The following CAMKMT variants were observed in gnomAD, a reference collection of about 807,000 sequenced individuals.
CAMKMT encodes calmodulin-lysine N-methyltransferase, also known as CaM KMT.
A neutral mutation model predicts 48.0 loss-of-function variants in CAMKMT; 53 were observed. That is an observed-to-expected ratio of 1.10 (90% CI 0.89 to 1.39). The LOEUF is 1.39. CAMKMT is among the 40% of genes most tolerant of loss of function. The pLI is 0.00. For missense variants in CAMKMT, 428 were observed against 402.7 expected (o/e 1.06, Z -0.54); for synonymous variants, 165 against 152.3 (o/e 1.08, Z -0.61).
chr2:44,663,457 C>T (rs1358008252), intron 3 of CAMKMT, among the ~76,000 whole-genome samples: 2 of 152,248 alleles, frequency 1.3e-5, no homozygotes, highest in East Asian at 1.9e-4. Context: ...GCTTCCCCTT[C>T]TGTGAAATCT....
chr2:44,402,481 A>G (rs1017139636), intron 3 of CAMKMT, among the ~76,000 whole-genome samples: 18 of 151,908 alleles, frequency 1.2e-4, no homozygotes, highest in African/African-American at 4.3e-4. Flanking sequence ...TGTTGATTGA[A>G]TCTTCTGTTA....
At chr2:44,510,506 C>T (rs1311835537) in intron 3 of CAMKMT, among the ~76,000 whole-genome samples, 3 of 152,140 alleles carry the variant, frequency 2.0e-5, no homozygotes, top group African/African-American at 7.2e-5. Flanking sequence ...TAGGATCCTC[C>T]ATTACAACAC....
rs142694958 is a variant in CAMKMT at position 44,489,659 on chromosome 2, C to T, written c.376+99354C>T. The stretch of plus-strand genomic sequence containing the variant: ...TGACAGGAAAATAAAACCTTGCAAA[C>T]TAATTGCCGTGAGAAGTAGCAATTG... On this transcript the variant is annotated intron_variant, in intron 3 of 10. Transcript: ENST00000378494. Among the ~76,000 whole-genome samples the T allele has an allele frequency of 2.2e-3, 331 of 152,250 alleles. No homozygotes were observed. The Middle Eastern group carries it at 0.027, about 13-fold the overall frequency.
intron 6 of CAMKMT, 144 bp downstream of exon 6, chr2:44,707,606 GA>G: frequency 1.7e-6 from 1 of 587,994 alleles, no homozygotes; most frequent in Non-Finnish European, 2.8e-6. Flanking sequence ...AGAAAAAGTA[GA>G]AATATATGAA....
rs1468622305 is a variant in CAMKMT, at chr2:44,361,963, C to A, written c.-45C>A. The A allele has an allele frequency of 4.4e-6, 6 of 1,360,578 alleles. No individual in the cohort carries two copies. The highest frequency in any genetic ancestry group is 4.1e-5 in the Admixed American group (1 of 24,558). The allele number at this position is 1,360,578 out of a possible 1,614,324, so 84.3% of individuals were successfully genotyped here. Reference sequence around the variant, plus strand: ...GAAGTTGGCAGGTCCTGGCAGGGGACGAGCTGCGGCGGTGGCACCTCCGGG... The same window carrying A: ...GAAGTTGGCAGGTCCTGGCAGGGGAAGAGCTGCGGCGGTGGCACCTCCGGG... On this transcript the variant is annotated 5_prime_UTR_variant, in exon 1 of 11. Transcript: ENST00000378494.
At chr2:44,466,003 C>T (rs1198262430) in intron 3 of CAMKMT, among the ~76,000 whole-genome samples, 1 of 152,134 alleles carries the variant, frequency 6.6e-6, no homozygotes, top group Non-Finnish European at 1.5e-5. Context: ...AATATATATG[C>T]ATCTAACAGT....
At chr2:44,719,339 T>C (rs1007777694) in intron 7 of CAMKMT, among the ~76,000 whole-genome samples, 3 of 152,238 alleles carry the variant, frequency 2.0e-5, no homozygotes, top group Admixed American at 6.5e-5. Flanking sequence ...TTTCTTTTTG[T>C]TCAAAGCATG....
At chr2:44,543,570 T>C (rs912013760) in intron 3 of CAMKMT, among the ~76,000 whole-genome samples, 1 of 152,166 alleles carries the variant, frequency 6.6e-6, no homozygotes, top group Non-Finnish European at 1.5e-5. Context: ...TTTATTAGTA[T>C]TGTTATTATT....
At chr2:44,465,670 C>T (rs544691476) in intron 3 of CAMKMT, among the ~76,000 whole-genome samples, 7 of 151,820 alleles carry the variant, frequency 4.6e-5, no homozygotes, top group Admixed American at 1.3e-4. Context: ...TCCATGGGAA[C>T]GGTGAGAGCT....
chr2:44,596,241 G>A (rs1384916518), intron 3 of CAMKMT, among the ~76,000 whole-genome samples: 1 of 152,046 alleles, frequency 6.6e-6, no homozygotes, highest in Non-Finnish European at 1.5e-5. Flanking sequence ...TTCAGGTCAG[G>A]AGTTCGAGAC....
intron 1 of CAMKMT, among the ~76,000 whole-genome samples, chr2:44,367,920 C>T (rs556735578): frequency 3.9e-5 from 6 of 152,314 alleles, no homozygotes; most frequent in African/African-American, 1.4e-4. Context: ...CTCCTCTACC[C>T]ATCTGGTCTT....
intron 1 of CAMKMT, among the ~76,000 whole-genome samples, chr2:44,364,033 T>TA (rs1195286594): frequency 6.3e-5 from 6 of 95,690 alleles, no homozygotes; most frequent in African/African-American, 2.4e-4. Context: ...TTTTTTTTTT[T>TA]AAATAAGATA....
chr2:44,366,514 C>G (rs1455784104), intron 1 of CAMKMT, among the ~76,000 whole-genome samples: 1 of 152,086 alleles, frequency 6.6e-6, no homozygotes, highest in African/African-American at 2.4e-5. Flanking sequence ...ATCTTGAATC[C>G]TTTTGGTAAT....
intron 3 of CAMKMT, among the ~76,000 whole-genome samples, chr2:44,642,907 C>G (rs916478300): frequency 1.3e-5 from 2 of 152,104 alleles, no homozygotes; most frequent in Non-Finnish European, 2.9e-5. Flanking sequence ...GGATGATTCT[C>G]AGGTAAAGGC....
At chr2:44,643,415 A>G (rs1202160578) in intron 3 of CAMKMT, among the ~76,000 whole-genome samples, 2 of 152,312 alleles carry the variant, frequency 1.3e-5, no homozygotes, top group East Asian at 3.9e-4. Flanking sequence ...TATCCAAATG[A>G]ATGGAATATT....
At position 44,712,776 on chromosome 2, in the gene CAMKMT, C is replaced by T. The variant is rs372346638; in HGVS notation, c.557-2511C>T. 7.9e-5 allele frequency among the ~76,000 whole-genome samples: 12 copies of T among 152,244 alleles called. No homozygotes were observed. In the East Asian group the frequency reaches 2.1e-3, roughly 27 times the overall value. ...CCGTTGTGTTGAACACTATCCTGGACATATCGACTCAATGTGATTGGATTT... is the reference window on the plus strand; with the variant it reads ...CCGTTGTGTTGAACACTATCCTGGATATATCGACTCAATGTGATTGGATTT... On this transcript the variant is annotated intron_variant, in intron 6 of 10. Transcript: ENST00000378494.
At chr2:44,461,079 A>C (rs1298138581) in intron 3 of CAMKMT, among the ~76,000 whole-genome samples, 1 of 152,212 alleles carries the variant, frequency 6.6e-6, no homozygotes, top group Non-Finnish European at 1.5e-5. Flanking sequence ...TACTCTGACC[A>C]AGTTTTTGCC....
chr2:44,743,123 C>T (rs1313631746), intron 7 of CAMKMT, among the ~76,000 whole-genome samples: 3 of 152,198 alleles, frequency 2.0e-5, no homozygotes, highest in African/African-American at 7.2e-5. Flanking sequence ...TGCCTAAAAA[C>T]CAAGAACTAC....
intron 7 of CAMKMT, among the ~76,000 whole-genome samples, chr2:44,731,807 A>T (rs1421626645): frequency 6.6e-6 from 1 of 152,212 alleles, no homozygotes; most frequent in African/African-American, 2.4e-5. Flanking sequence ...TTTACAGATG[A>T]GGGCAATGAT....
Sources: allele counts gnomAD v4.1 joint callset (sites outside exome capture counted in the v4.1 genomes callset), GRCh38; gene constraint gnomAD v4.1.1; transcripts MANE v1.5; gene names NCBI Gene and HGNC (gene_info 2026-07-23, HGNC 2026-07-21).